LRRC4C: variants seen among roughly 807,000 people sequenced by gnomAD.
LRRC4C encodes the protein leucine rich repeat containing 4C.
LRRC4C carries 5 observed loss-of-function variants against 33.6 expected under a neutral mutation model. That is an observed-to-expected ratio of 0.15 (90% CI 0.08 to 0.31). The LOEUF is 0.31. Ranked by LOEUF, LRRC4C falls within the 10% of genes least tolerant of loss-of-function variation. LRRC4C has a pLI of 1.00. For missense variants in LRRC4C, 560 were observed against 796.7 expected (o/e 0.70, Z 3.58); for synonymous variants, 329 against 302.0 (o/e 1.09, Z -0.93).
chr11:41,190,659 T>C (rs534449537), intron 1 of LRRC4C, among the ~76,000 whole-genome samples: 1 of 152,160 alleles, frequency 6.6e-6, no homozygotes, highest in South Asian at 2.1e-4. Flanking sequence ...CGTACATTTG[T>C]GTTCGTCTAC....
chr11:40,338,687 T>A (rs1054020090), intron 3 of LRRC4C, among the ~76,000 whole-genome samples: 68 of 152,130 alleles, frequency 4.5e-4, no homozygotes, highest in Non-Finnish European at 7.2e-4. Flanking sequence ...GTATTTTTTT[T>A]AAAAATGAAA....
chr11:41,406,463 T>C (rs1424974950), intron 1 of LRRC4C, among the ~76,000 whole-genome samples: 2 of 152,128 alleles, frequency 1.3e-5, no homozygotes, highest in Non-Finnish European at 2.9e-5. Flanking sequence ...ATCTTCTTTA[T>C]GCTAAGTACT....
At chr11:41,264,651 A>G (rs1949091408) in intron 1 of LRRC4C, among the ~76,000 whole-genome samples, 1 of 152,178 alleles carries the variant, frequency 6.6e-6, no homozygotes. Context: ...GAATGTAGAT[A>G]TAAGAAACAA....
rs370574515 is a variant in LRRC4C, at chr11:41,411,142, A to ATTTTTT, written c.-496+48283_-496+48288dup. Among the ~76,000 whole-genome samples the ATTTTTT allele has an allele frequency of 4.7e-4, 27 of 57,232 alleles. 3 individuals carry two copies. The highest frequency in any genetic ancestry group is 6.1e-4 in the East Asian group (1 of 1,634). The allele number at this position is 57,232 out of a possible 152,430, so 37.5% of individuals were successfully genotyped here. A position where few individuals can be genotyped will look rare whatever the true frequency, so the allele number is the denominator to read the frequency against. On this transcript the variant is annotated intron_variant, in intron 1 of 6. Coordinates refer to ENST00000528697, the MANE Select transcript of LRRC4C (RefSeq NM_001258419.2). The stretch of plus-strand genomic sequence containing the variant: ...ATGAGAAACACTTGGTTGGTACCCT[A>ATTTTTT]TTTTTTTTTTTTTTTTTTTTTTTTG...
chr11:40,870,536 T>C (rs955004830), intron 2 of LRRC4C, among the ~76,000 whole-genome samples: 2 of 152,132 alleles, frequency 1.3e-5, no homozygotes, highest in South Asian at 2.1e-4. Context: ...TTCATGGACA[T>C]TTATTAGTTC....
intron 5 of LRRC4C, among the ~76,000 whole-genome samples, chr11:40,160,535 G>C (rs1289537101): frequency 1.3e-5 from 2 of 152,114 alleles, no homozygotes; most frequent in African/African-American, 4.8e-5. Flanking sequence ...CAAGAGCATT[G>C]CCTGCAGAAG....
At chr11:40,907,278 G>A (rs190202530) in intron 2 of LRRC4C, among the ~76,000 whole-genome samples, 218 of 152,284 alleles carry the variant, frequency 1.4e-3, no homozygotes, top group African/African-American at 5.0e-3. Context: ...AGCTGGACAC[G>A]TAGGAGCAGA....
intron 2 of LRRC4C, among the ~76,000 whole-genome samples, chr11:40,708,717 A>G (rs1375472962): frequency 2.0e-5 from 3 of 152,152 alleles, no homozygotes; most frequent in Non-Finnish European, 4.4e-5. Context: ...GTAGATGTCT[A>G]TTAGGTCTGC....
At chr11:40,710,007 C>A (rs115596045) in intron 2 of LRRC4C, among the ~76,000 whole-genome samples, 5 of 152,116 alleles carry the variant, frequency 3.3e-5, no homozygotes, top group Admixed American at 6.5e-5. Context: ...GCATGCATCA[C>A]GTACTTCCCA....
chr11:41,008,172 C>T (rs75591862), intron 1 of LRRC4C, among the ~76,000 whole-genome samples: 10,566 of 152,110 alleles, frequency 0.069, 453 homozygotes, highest in Non-Finnish European at 0.099. Context: ...AGACTTTTGC[C>T]TCAAATGCTT....
chr11:41,346,708 G>T (rs1000454556), intron 1 of LRRC4C, among the ~76,000 whole-genome samples: 1 of 152,150 alleles, frequency 6.6e-6, no homozygotes, highest in African/African-American at 2.4e-5. Flanking sequence ...GCTTTCAAAA[G>T]GTTCCAAAAA....
At chr11:41,409,911 T>C (rs993635786) in intron 1 of LRRC4C, among the ~76,000 whole-genome samples, 2 of 152,220 alleles carry the variant, frequency 1.3e-5, no homozygotes, top group African/African-American at 4.8e-5. Flanking sequence ...TTTTTAGCCA[T>C]TAATATTAAT....
At chr11:40,625,377 G>C (rs4756612) in intron 3 of LRRC4C, among the ~76,000 whole-genome samples, 65,938 of 151,696 alleles carry the variant, frequency 0.43, 15,245 homozygotes, top group Middle Eastern at 0.57. Flanking sequence ...ACTAACATAA[G>C]GGAAGGTGAA....
chr11:40,267,500 C>A (rs188880331), intron 4 of LRRC4C, among the ~76,000 whole-genome samples: 2 of 152,072 alleles, frequency 1.3e-5, no homozygotes, highest in African/African-American at 4.8e-5. Flanking sequence ...TACAGGCGCC[C>A]GCCACCACAC....
At chr11:40,245,556 G>A (rs1259103238) in intron 4 of LRRC4C, among the ~76,000 whole-genome samples, 4 of 151,984 alleles carry the variant, frequency 2.6e-5, no homozygotes, top group East Asian at 3.9e-4. Flanking sequence ...TCAAATCCTA[G>A]GACCTTACCT....
intron 2 of LRRC4C, among the ~76,000 whole-genome samples, chr11:40,691,803 G>A (rs1945232671): frequency 6.6e-6 from 1 of 152,066 alleles, no homozygotes; most frequent in Non-Finnish European, 1.5e-5. Context: ...AAATATTTAT[G>A]TATTTTGAAT....
At chr11:40,627,834 C>G (rs1333583988) in intron 3 of LRRC4C, among the ~76,000 whole-genome samples, 1 of 152,144 alleles carries the variant, frequency 6.6e-6, no homozygotes, top group Admixed American at 6.5e-5. Flanking sequence ...AAGAATTACT[C>G]CCTCTATAGA....
intron 1 of LRRC4C, among the ~76,000 whole-genome samples, chr11:41,375,975 T>C (rs148821044): frequency 6.6e-6 from 1 of 152,088 alleles, no homozygotes; most frequent in East Asian, 1.9e-4. Context: ...CTGTGAAGAC[T>C]TGGTATGAAA....
chr11:41,102,516 G>A (rs1313693407), intron 1 of LRRC4C, among the ~76,000 whole-genome samples: 3 of 151,986 alleles, frequency 2.0e-5, no homozygotes, highest in Non-Finnish European at 4.4e-5. Flanking sequence ...GGACCTTCTG[G>A]CTAAAATATT....
Sources: gnomAD v4.1 joint callset for allele counts (sites outside exome capture counted in the v4.1 genomes callset) on GRCh38, gnomAD v4.1.1 for gene constraint, MANE v1.5 for transcripts, NCBI Gene and HGNC (gene_info 2026-07-23, HGNC 2026-07-21) for gene names.